Variants in SH2D6 observed in about 807,000 individuals in gnomAD.
SH2D6 encodes SH2 domain containing 6.
In SH2D6, 31 loss-of-function variants were observed where a neutral mutation model predicts 30.2. That is an observed-to-expected ratio of 1.03 (90% CI 0.77 to 1.38). The LOEUF (loss-of-function observed/expected upper bound fraction) is 1.38. Ranked by LOEUF, SH2D6 falls within the 40% of genes most tolerant of loss-of-function variation. SH2D6 has a pLI of 0.00. For missense variants in SH2D6, 240 were observed against 266.8 expected (o/e 0.90, Z 0.70); for synonymous variants, 93 against 104.6 (o/e 0.89, Z 0.68).
At chr2:85,428,082 A>T (rs79923841) in intron 6 of SH2D6, among the ~76,000 whole-genome samples, 3,822 of 152,228 alleles carry the variant, frequency 0.025, 59 homozygotes, top group South Asian at 0.04. Flanking sequence ...TCCCTGACTT[A>T]AACAGAGTCA....
rs563988107 is a variant in SH2D6, at chr2:85,430,328, G to A, written c.65-36G>A. On this transcript the variant is annotated intron_variant, in intron 10 of 23. Coordinates refer to ENST00000469800, the MANE Select transcript of SH2D6 (RefSeq NM_001394463.1). The surrounding 1 kb of genome is among the most constrained non-coding windows in gnomAD (Gnocchi z 4.3). ...GTGGTTTATTATACTGGGGAAAGGT[G>A]GGCAGGGAGGAGGTGAGGCCAGCTT... 1 of 152,874 alleles carries A rather than the reference G, an allele frequency of 6.5e-6. No homozygotes were observed. Among genetic ancestry groups the A allele is most frequent in the African/African-American group, 2.4e-5 (1 of 41,542 alleles). 9.5% of individuals were successfully genotyped at this position (152,874 alleles called of 1,614,324 possible).
rs759531809 is a variant in SH2D6 at position 85,435,469 on chromosome 2, TGA to T, written c.709_710del (p.Ser237CysfsTer59). 1.2e-6 allele frequency: 2 copies of T among 1,613,816 alleles called. No homozygotes were observed. Among genetic ancestry groups the T allele is most frequent in the Non-Finnish European group, 8.5e-7 (1 of 1,179,976 alleles). On this transcript the variant is annotated frameshift_variant, in exon 21 of 24. Coordinates refer to ENST00000469800, the MANE Select transcript of SH2D6 (RefSeq NM_001394463.1). LOFTEE classifies it high-confidence loss of function. ...YSGNCDRYAV[E>X]SALLHLQKDG... ...CGGGGAACTGTGACCGCTATGCTGT[TGA>T]GAGTGCCCTGCTCCACTTACAAAAG...
chr2:85,433,910 C>A, intron 16 of SH2D6, 123 bp from the exon 17 acceptor site: 1 of 910,406 alleles, frequency 1.1e-6, no homozygotes, highest in Non-Finnish European at 1.7e-6. Context: ...GTTGGAAGCA[C>A]TCCCAGAAAG....
intron 16 of SH2D6, 28 bp downstream of exon 16, chr2:85,433,659 C>T: frequency 9.5e-7 from 1 of 1,050,922 alleles, no homozygotes; most frequent in Middle Eastern, 4.5e-4. Flanking sequence ...CTCCAGACCC[C>T]TCCTGCCCGA....
chr2:85,434,706 G>T, intron 19 of SH2D6: 1 of 1,405,190 alleles, frequency 7.1e-7, no homozygotes, highest in Non-Finnish European at 9.4e-7. Flanking sequence ...CCCCAGCCCT[G>T]CAGGCCAGAC....
chr2:85,429,367 T>C lies in SH2D6; in HGVS notation c.-94-5T>C, dbSNP rs1688342777. On this transcript the variant is annotated splice_region_variant and splice_polypyrimidine_tract_variant and intron_variant, in intron 7 of 23. Transcript: ENST00000469800. ...CCACAGCAGATCTACCTTCCTGGTG[T>C]TTAGGAGATGCAAATGATGGGAACA... is the stretch of plus-strand genomic sequence containing the variant. The C allele has an allele frequency of 6.6e-6, 1 of 152,198 alleles. No individual in the cohort carries two copies. The highest frequency in any genetic ancestry group is 2.1e-4 in the South Asian group (1 of 4,830). The allele number at this position is 152,198 out of a possible 1,614,324, so 9.4% of individuals were successfully genotyped here. A position where few individuals can be genotyped will look rare whatever the true frequency, so the allele number is the denominator to read the frequency against.
chr2:85,419,927 T>C (rs1433839142), intron 2 of SH2D6, among the ~76,000 whole-genome samples: 1 of 152,208 alleles, frequency 6.6e-6, no homozygotes. Context: ...TGCCTATTTC[T>C]GCCTGGGAAG....
intron 16 of SH2D6, 138 bp from the exon 17 acceptor site, chr2:85,433,895 C>T: frequency 1.2e-6 from 1 of 812,148 alleles, no homozygotes; most frequent in South Asian, 1.8e-5. Flanking sequence ...CAGCATCTGC[C>T]TCTGGTTGGA....
At chr2:85,427,232 C>G (rs1688125912) in intron 6 of SH2D6, among the ~76,000 whole-genome samples, 1 of 152,252 alleles carries the variant, frequency 6.6e-6, no homozygotes, top group African/African-American at 2.4e-5. Flanking sequence ...CACTCAGGTG[C>G]TGCTGGACAG....
At chr2:85,427,819 C>A (rs999659084) in intron 6 of SH2D6, among the ~76,000 whole-genome samples, 7 of 152,128 alleles carry the variant, frequency 4.6e-5, no homozygotes, top group African/African-American at 7.2e-5. Context: ...TGTGAAGCCA[C>A]CCCAGTGACT....
chr2:85,424,282 C>T (rs1403001906), intron 5 of SH2D6, among the ~76,000 whole-genome samples: 1 of 152,210 alleles, frequency 6.6e-6, no homozygotes, highest in Non-Finnish European at 1.5e-5. Context: ...TGGTGGCCCC[C>T]ACATAACCTC....
rs1197296829 is a variant in SH2D6, at chr2:85,434,455, A to C, written c.565-18A>C. On this transcript the variant is annotated intron_variant, in intron 18 of 23. Coordinates refer to ENST00000469800, the MANE Select transcript of SH2D6 (RefSeq NM_001394463.1). ...ACCTGGGGCCCGGCCTCTTCTGATC[A>C]GACCTCCTGTATGCCAGGGAACAGC... 2 of 1,550,382 alleles carry C rather than the reference A, an allele frequency of 1.3e-6. No homozygotes were observed. Among genetic ancestry groups the C allele is most frequent in the Non-Finnish European group, 1.7e-6 (2 of 1,146,982 alleles).
At chr2:85,426,087 G>A (rs143627044) in intron 6 of SH2D6, among the ~76,000 whole-genome samples, 30 of 152,178 alleles carry the variant, frequency 2.0e-4, no homozygotes, top group East Asian at 9.6e-4. Flanking sequence ...ACATCTCCGC[G>A]GCTCTTCCTC....
intron 5 of SH2D6, among the ~76,000 whole-genome samples, chr2:85,422,928 C>T (rs529397378): frequency 7.9e-5 from 12 of 152,372 alleles, no homozygotes; most frequent in African/African-American, 2.4e-4. Context: ...ACTCTTGTCA[C>T]CCAGGCTGGA....
chr2:85,423,059 T>G (rs1687802166), intron 5 of SH2D6, among the ~76,000 whole-genome samples: 2 of 152,114 alleles, frequency 1.3e-5, no homozygotes, highest in African/African-American at 4.8e-5. Context: ...GGCTAATTTT[T>G]GTATTTTTAG....
chr2:85,424,459 ATAAT>A (rs1179940648), intron 5 of SH2D6, among the ~76,000 whole-genome samples: 3 of 152,160 alleles, frequency 2.0e-5, no homozygotes, highest in African/African-American at 7.2e-5. Context: ...AATTATAAAA[ATAAT>A]TAATGGTTGG....
At chr2:85,425,052 C>T (rs1487199645) in intron 5 of SH2D6, among the ~76,000 whole-genome samples, 3 of 151,900 alleles carry the variant, frequency 2.0e-5, no homozygotes, top group Non-Finnish European at 4.4e-5. Flanking sequence ...GGTGACAGAG[C>T]GAGACTCCAT....
chr2:85,435,635 A>G (rs1457931800), intron 21 of SH2D6, 31 bp from the exon 22 acceptor site: 1 of 1,581,302 alleles, frequency 6.3e-7, no homozygotes, highest in Non-Finnish European at 8.6e-7. Flanking sequence ...CCATTGGAAG[A>G]TGAGGTTGAT....
At chr2:85,433,745 C>T in intron 16 of SH2D6, 114 bp downstream of exon 16, 1 of 820,836 alleles carries the variant, frequency 1.2e-6, no homozygotes, top group African/African-American at 1.7e-5. Flanking sequence ...CCACCCCCCA[C>T]CAACACGCAT....
Sources: gnomAD v4.1 joint callset for allele counts (sites outside exome capture counted in the v4.1 genomes callset) on GRCh38, gnomAD v4.1.1 for gene constraint, Gnocchi (gnomAD v3.1) non-coding constraint, MANE v1.5 for transcripts, NCBI Gene and HGNC (gene_info 2026-07-23, HGNC 2026-07-21) for gene names.